The following LIMCH1 variants were observed in gnomAD, a reference collection of about 807,000 sequenced individuals.
LIMCH1 encodes the protein LIM and calponin homology domains 1, also known as LIM and calponin homology domains-containing protein 1.
In LIMCH1, 113 loss-of-function variants were observed where a neutral mutation model predicts 176.5. The observed-to-expected ratio is 0.64, with a 90% confidence interval of 0.55 to 0.75. LIMCH1 has a LOEUF of 0.75. LIMCH1 is among the 30% of genes least tolerant of loss of function. The pLI, the probability that LIMCH1 is intolerant of heterozygous loss-of-function variation, is 0.00. For synonymous variants in LIMCH1, 619 were observed against 645.9 expected, an observed-to-expected ratio of 0.96 and a Z score of 0.63; for missense variants, 1,674 against 1,814.9, an observed-to-expected ratio of 0.92 and a Z score of 1.41.
chr4:41,645,909 A>G (rs553691149), intron 15 of LIMCH1, among the ~76,000 whole-genome samples: 95 of 152,356 alleles, frequency 6.2e-4, no homozygotes, highest in African/African-American at 1.8e-3. Context: ...CAGCCCTGCT[A>G]TGGATACTGT....
At chr4:41,413,488 C>G (rs940102195) in intron 1 of LIMCH1, among the ~76,000 whole-genome samples, 1 of 145,710 alleles carries the variant, frequency 6.9e-6, no homozygotes, top group Admixed American at 7.0e-5. Flanking sequence ...TGCCACCATG[C>G]CTGGCTATTT....
intron 1 of LIMCH1, among the ~76,000 whole-genome samples, chr4:41,392,757 C>T (rs558105327): frequency 4.2e-5 from 6 of 143,178 alleles, no homozygotes; most frequent in East Asian, 2.0e-4. Context: ...ATAGGCCAGG[C>T]GCAGTGGCTT....
chr4:41,646,212 G>A lies in LIMCH1; in HGVS notation c.2343G>A (p.Leu781=), dbSNP rs200046514. The change falls in exon 16 of 32, where the codon CTG becomes CTA. Residue 781 remains leucine, a synonymous_variant. Transcript: ENST00000503057. ...AAAGGAAAAAAATGGAGAAGTTACT[G>A]GCTGGAGAAGATGGGACAAGTGAAC... is the stretch of plus-strand genomic sequence containing the variant. ...EEERKKMEKL[L]AGEDGTSERR... The A allele has an allele frequency of 8.1e-6, 13 of 1,613,956 alleles. No individual in the cohort carries two copies. In the South Asian group the frequency reaches 1.4e-4, roughly 18 times the overall value.
At chr4:41,655,940 T>C (rs2152960703) in intron 18 of LIMCH1, among the ~76,000 whole-genome samples, 1 of 152,184 alleles carries the variant, frequency 6.6e-6, no homozygotes, top group East Asian at 1.9e-4. Context: ...GTCACTCCTT[T>C]CCATGCCTGT....
At chr4:41,373,102 T>C (rs1168101806) in intron 1 of LIMCH1, among the ~76,000 whole-genome samples, 2 of 152,150 alleles carry the variant, frequency 1.3e-5, no homozygotes, top group Non-Finnish European at 2.9e-5. Flanking sequence ...TGATGCATGC[T>C]TGGAAAGGGA....
intron 1 of LIMCH1, among the ~76,000 whole-genome samples, chr4:41,451,985 C>G (rs916535105): frequency 2.6e-5 from 4 of 152,176 alleles, no homozygotes; most frequent in African/African-American, 9.6e-5. Flanking sequence ...CCTCATAAGC[C>G]CTAGGCACGC....
intron 18 of LIMCH1, among the ~76,000 whole-genome samples, chr4:41,658,784 G>A (rs550495302): frequency 6.6e-6 from 1 of 152,132 alleles, no homozygotes; most frequent in South Asian, 2.1e-4. Flanking sequence ...TTCATTTTTG[G>A]TCTGGTGAGG....
intron 4 of LIMCH1, 128 bp from the exon 5 acceptor site, chr4:41,613,338 C>T: frequency 1.2e-6 from 1 of 841,834 alleles, no homozygotes; most frequent in Non-Finnish European, 1.9e-6. Context: ...GATCCTGTAA[C>T]TGGTTTCCAC....
chr4:41,426,187 AATTTTTTGT>A (rs1379103969), intron 1 of LIMCH1, among the ~76,000 whole-genome samples: 1 of 150,354 alleles, frequency 6.7e-6, no homozygotes, highest in Non-Finnish European at 1.5e-5. Context: ...ACGCCCGGCT[AATTTTTTGT>A]ATTTTTAGTA....
intron 1 of LIMCH1, among the ~76,000 whole-genome samples, chr4:41,429,134 T>C (rs1258391629): frequency 6.6e-6 from 1 of 152,162 alleles, no homozygotes; most frequent in Admixed American, 6.5e-5. Context: ...GCTGAATTCC[T>C]CCTCCCAACT....
At chr4:41,474,259 C>A (rs557008799) in intron 1 of LIMCH1, among the ~76,000 whole-genome samples, 1 of 152,020 alleles carries the variant, frequency 6.6e-6, no homozygotes, top group South Asian at 2.1e-4. Flanking sequence ...GAGGCTGAGG[C>A]AGGTGGATCA....
intron 1 of LIMCH1, among the ~76,000 whole-genome samples, chr4:41,487,635 C>T (rs1468894729): frequency 3.3e-5 from 5 of 150,122 alleles, no homozygotes; most frequent in Admixed American, 6.6e-5. Flanking sequence ...GTATGTGGGG[C>T]ACCAATTTTT....
intron 1 of LIMCH1, among the ~76,000 whole-genome samples, chr4:41,367,726 G>T (rs1158989193): frequency 6.6e-6 from 1 of 150,454 alleles, no homozygotes; most frequent in South Asian, 2.1e-4. Flanking sequence ...AATCATCCGG[G>T]CGTGGTGGCA....
At chr4:41,399,055 G>A (rs540718644) in intron 1 of LIMCH1, among the ~76,000 whole-genome samples, 1 of 152,304 alleles carries the variant, frequency 6.6e-6, no homozygotes, top group Admixed American at 6.5e-5. Flanking sequence ...GCCACCATGT[G>A]AGGTGTTATT....
chr4:41,587,209 A>G (rs1252580084), intron 1 of LIMCH1, among the ~76,000 whole-genome samples: 1 of 152,196 alleles, frequency 6.6e-6, no homozygotes, highest in African/African-American at 2.4e-5. Flanking sequence ...TCCACATCTG[A>G]TCCACTTTTG....
rs1016627745 is a variant in LIMCH1 at position 41,676,603 on chromosome 4, G to A, written c.3519+141G>A. 2.8e-5 allele frequency: 19 copies of A among 668,276 alleles called. No individual in the cohort carries two copies. In the Admixed American group the frequency reaches 3.4e-4, roughly 12 times the overall value. The allele number at this position is 668,276 out of a possible 1,614,324, so 41.4% of individuals were successfully genotyped here. On this transcript the variant is annotated intron_variant, in intron 23 of 31. Transcript: ENST00000503057. ...AGTGAGTCTCAAGTCAGTTCATTTT[G>A]TGTCCTTGTAACAGGGTACCCTGTG...
intron 18 of LIMCH1, among the ~76,000 whole-genome samples, chr4:41,659,638 T>C (rs1264089373): frequency 6.6e-6 from 1 of 152,158 alleles, no homozygotes; most frequent in East Asian, 1.9e-4. Flanking sequence ...TATGAGTTAA[T>C]AATGCCTTTT....
intron 19 of LIMCH1, 110 bp from the exon 20 acceptor site, chr4:41,662,711 C>G: frequency 8.7e-7 from 1 of 1,151,566 alleles, no homozygotes; most frequent in Non-Finnish European, 1.3e-6. Flanking sequence ...CTTATATTGC[C>G]AGGACGGGAT....
chr4:41,433,684 T>G (rs2061804338), intron 1 of LIMCH1, among the ~76,000 whole-genome samples: 1 of 140,954 alleles, frequency 7.1e-6, no homozygotes, highest in African/African-American at 2.9e-5. Flanking sequence ...TTCTTTTTTT[T>G]TTTTTTTTAA....
Sources: gnomAD v4.1 joint callset for allele counts (sites outside exome capture counted in the v4.1 genomes callset) on GRCh38, gnomAD v4.1.1 for gene constraint, MANE v1.5 for transcripts, NCBI Gene and HGNC (gene_info 2026-07-23, HGNC 2026-07-21) for gene names.